Variants in LIX1 observed in about 807,000 individuals in gnomAD.
LIX1 encodes limb and CNS expressed 1.
A neutral mutation model predicts 33.4 loss-of-function variants in LIX1; 24 were observed. The ratio of observed to expected loss-of-function variants is 0.72; its 90% CI spans 0.52 to 1.01. LIX1 has a LOEUF of 1.01. Ranked by LOEUF, LIX1 falls within the 50% of genes least tolerant of loss-of-function variation. The pLI, the probability that LIX1 is intolerant of heterozygous loss-of-function variation, is 0.00. For missense variants in LIX1, 311 were observed against 339.2 expected (o/e 0.92, Z 0.65); for synonymous variants, 124 against 124.0 (o/e 1.00, Z 0.00).
At chr5:97,095,734 G>C (rs17592834) in intron 5 of LIX1, among the ~76,000 whole-genome samples, 4 of 152,092 alleles carry the variant, frequency 2.6e-5, no homozygotes, top group South Asian at 4.2e-4. Context: ...AAAATTTGTC[G>C]ATACATAATA....
At chr5:97,113,525 C>T (rs965450336) in intron 2 of LIX1, among the ~76,000 whole-genome samples, 17 of 152,238 alleles carry the variant, frequency 1.1e-4, no homozygotes, top group African/African-American at 3.6e-4. Context: ...CACAACAATC[C>T]TATAAAGTTG....
At chr5:97,117,599 T>A (rs1457820250) in intron 2 of LIX1, among the ~76,000 whole-genome samples, 1 of 152,220 alleles carries the variant, frequency 6.6e-6, no homozygotes. Context: ...ATTTAACGCA[T>A]GGAAGTATAA....
rs183721788 is a variant in LIX1, at chr5:97,099,237, C to G, written c.484-2350G>C. On this transcript the variant is annotated intron_variant, in intron 4 of 5. Coordinates refer to ENST00000274382, the MANE Select transcript of LIX1 (RefSeq NM_153234.5). ...TTTGAAAAAGTGGGAGTGCTTTGTT[C>G]GAGAAACCAAATCTCGTCCAATCTG... Among the ~76,000 whole-genome samples, 8 of 152,130 alleles carry G rather than the reference C, an allele frequency of 5.3e-5. No individual in the cohort carries two copies. In the East Asian group the frequency reaches 5.8e-4, roughly 11 times the overall value.
chr5:97,094,903 A>G lies in LIX1; in HGVS notation c.694T>C (p.Leu232=), dbSNP rs775667196. ...SQELRMALRQ[L]EEARKAGQEL... is the part of the protein sequence containing the mutation. ...TGTCCTGCTTTCCTGGCTTCCTCCA[A>G]CTGCCTCAGGGCCATTCGTAGCTCT... The change falls in exon 6 of 6, where the codon TTG becomes CTG. Residue 232 remains leucine, a synonymous_variant. Transcript: ENST00000274382. 6.2e-6 allele frequency: 10 copies of G among 1,614,032 alleles called. No individual in the cohort carries two copies. Among genetic ancestry groups the G allele is most frequent in the East Asian group, 4.5e-5 (2 of 44,892 alleles).
At chr5:97,099,474 T>C (rs1746567915) in intron 4 of LIX1, among the ~76,000 whole-genome samples, 1 of 152,204 alleles carries the variant, frequency 6.6e-6, no homozygotes, top group South Asian at 2.1e-4. Flanking sequence ...AAAAATTTTT[T>C]GGTTTTATGT....
chr5:97,114,593 C>T (rs904560609), intron 2 of LIX1, among the ~76,000 whole-genome samples: 2 of 152,086 alleles, frequency 1.3e-5, no homozygotes, highest in Non-Finnish European at 2.9e-5. Flanking sequence ...TGTATTCCTG[C>T]GCCCAAAGCT....
chr5:97,126,267 G>C (rs1456013755), intron 1 of LIX1, among the ~76,000 whole-genome samples: 1 of 152,216 alleles, frequency 6.6e-6, no homozygotes, highest in African/African-American at 2.4e-5. Flanking sequence ...ATTCTGGACA[G>C]TGACATTTTT....
chr5:97,139,985 C>T (rs1580250819), intron 1 of LIX1, among the ~76,000 whole-genome samples: 1 of 152,128 alleles, frequency 6.6e-6, no homozygotes, highest in South Asian at 2.1e-4. Flanking sequence ...TGTAACTATT[C>T]CCATGTGCAT....
intron 2 of LIX1, among the ~76,000 whole-genome samples, chr5:97,117,114 T>C (rs913543828): frequency 1.1e-4 from 16 of 152,236 alleles, no homozygotes; most frequent in African/African-American, 3.6e-4. Flanking sequence ...CATTAAGATC[T>C]GATAATTAGC....
At chr5:97,099,688 T>G (rs955394702) in intron 4 of LIX1, among the ~76,000 whole-genome samples, 1 of 151,966 alleles carries the variant, frequency 6.6e-6, no homozygotes, top group African/African-American at 2.4e-5. Flanking sequence ...AATAAAAAAA[T>G]TAGCCAGGTG....
chr5:97,107,724 A>G (rs368612145), intron 2 of LIX1, among the ~76,000 whole-genome samples: 12 of 152,168 alleles, frequency 7.9e-5, no homozygotes, highest in African/African-American at 1.9e-4. Flanking sequence ...GTCTTATTTT[A>G]TAGTCATTGA....
At position 97,093,323 on chromosome 5, in the gene LIX1, A is replaced by C. The variant is rs1244185251; in HGVS notation, c.*1425T>G. On this transcript the variant is annotated 3_prime_UTR_variant, in exon 6 of 6. Coordinates refer to ENST00000274382, the MANE Select transcript of LIX1 (RefSeq NM_153234.5). ...AAGCATGTATGCACTTGCATAAACA[A>C]AAGAAAAAGAAATTATTTTAAATTG... is the stretch of plus-strand genomic sequence containing the variant. 2 of 152,470 alleles carry C rather than the reference A, an allele frequency of 1.3e-5. No homozygotes were observed. The allele number at this position is 152,470 out of a possible 1,614,324, so 9.4% of individuals were successfully genotyped here.
intron 4 of LIX1, among the ~76,000 whole-genome samples, chr5:97,098,627 A>G (rs934139326): frequency 4.6e-5 from 7 of 152,206 alleles, no homozygotes; most frequent in African/African-American, 1.4e-4. Context: ...GTGTGTGCCT[A>G]TAGTTCTAGC....
intron 1 of LIX1, among the ~76,000 whole-genome samples, chr5:97,139,843 A>G (rs184793333): frequency 2.5e-4 from 38 of 152,398 alleles, no homozygotes; most frequent in Non-Finnish European, 4.6e-4. Context: ...AAATAAAAAA[A>G]GAAACAAATC....
At chr5:97,120,816 C>T (rs759539808) in intron 2 of LIX1, among the ~76,000 whole-genome samples, 1 of 152,028 alleles carries the variant, frequency 6.6e-6, no homozygotes, top group Non-Finnish European at 1.5e-5. Context: ...CATTGAAGCC[C>T]CCCTTTTTAC....
intron 1 of LIX1, among the ~76,000 whole-genome samples, chr5:97,139,417 G>T (rs1174690678): frequency 6.6e-6 from 1 of 152,212 alleles, no homozygotes; most frequent in African/African-American, 2.4e-5. Flanking sequence ...AAGTCATGTG[G>T]TGATTTCTTT....
At chr5:97,107,311 T>G in intron 3 of LIX1, 49 bp downstream of exon 3, 1 of 1,564,920 alleles carries the variant, frequency 6.4e-7, no homozygotes. Context: ...TTCAAATGCT[T>G]CAGAATTCTC....
intron 3 of LIX1, among the ~76,000 whole-genome samples, chr5:97,105,527 C>T (rs190660376): frequency 2.5e-4 from 38 of 152,252 alleles, no homozygotes; most frequent in African/African-American, 8.2e-4. Flanking sequence ...CATTTCTGTA[C>T]GATTGCACAG....
intron 2 of LIX1, among the ~76,000 whole-genome samples, chr5:97,117,407 T>C (rs1747661799): frequency 6.6e-6 from 1 of 152,210 alleles, no homozygotes; most frequent in South Asian, 2.1e-4. Flanking sequence ...ATTTGGGATG[T>C]GGAATGTCAA....
Sources: allele counts gnomAD v4.1 joint callset (sites outside exome capture counted in the v4.1 genomes callset), GRCh38; gene constraint gnomAD v4.1.1; transcripts MANE v1.5; gene names NCBI Gene and HGNC (gene_info 2026-07-23, HGNC 2026-07-21).